The following CNTNAP2 variants were observed in gnomAD, a reference collection of about 807,000 sequenced individuals.
CNTNAP2 encodes contactin associated protein 2.
Under a neutral mutation model 155.2 loss-of-function variants are expected in CNTNAP2, and 98 were observed. That is an observed-to-expected ratio of 0.63 (90% CI 0.54 to 0.75). The LOEUF is 0.75. Ranked by LOEUF, CNTNAP2 falls within the 30% of genes least tolerant of loss-of-function variation. The pLI is 0.00. For synonymous variants in CNTNAP2, 651 were observed against 631.2 expected (o/e 1.03, Z -0.47); for missense variants, 1,727 against 1,688.1 (o/e 1.02, Z -0.40).
intron 1 of CNTNAP2, among the ~76,000 whole-genome samples, chr7:146,307,200 G>A (rs990328763): frequency 6.6e-6 from 1 of 152,060 alleles, no homozygotes; most frequent in African/African-American, 2.4e-5. Context: ...CAAACAGAGA[G>A]CCAAATCATG....
intron 1 of CNTNAP2, among the ~76,000 whole-genome samples, chr7:146,579,350 T>C (rs959149520): frequency 6.6e-6 from 1 of 152,100 alleles, no homozygotes; most frequent in Non-Finnish European, 1.5e-5. Context: ...CAAACAGCCA[T>C]TAGAAATCTT....
intron 8 of CNTNAP2, among the ~76,000 whole-genome samples, chr7:147,283,318 CT>C (rs34156255): frequency 2.0e-5 from 3 of 151,272 alleles, no homozygotes; most frequent in South Asian, 4.2e-4. Flanking sequence ...AGTTCAAAGG[CT>C]TTTTTTTAAA....
At chr7:146,169,871 G>A (rs993739648) in intron 1 of CNTNAP2, among the ~76,000 whole-genome samples, 6 of 151,458 alleles carry the variant, frequency 4.0e-5, no homozygotes, top group Non-Finnish European at 7.4e-5. Context: ...TCGTGGATAG[G>A]TACCTAGTTT....
In CNTNAP2 at chr7:146,324,568, A is replaced by C. The variant is rs1444624296; in HGVS notation, c.97+207595A>C. ...GATTTCTACTTCCTTTCAGTATTAC[A>C]TTGATTCCTGACATCTTTCAGTCAG... On this transcript the variant is annotated intron_variant, in intron 1 of 23. Transcript: ENST00000361727. 2.0e-5 allele frequency among the ~76,000 whole-genome samples: 3 copies of C among 152,292 alleles called. No individual in the cohort carries two copies. The East Asian group carries it at 5.8e-4, about 29-fold the overall frequency.
At chr7:148,079,579 G>T (rs550653479) in intron 15 of CNTNAP2, among the ~76,000 whole-genome samples, 1 of 152,258 alleles carries the variant, frequency 6.6e-6, no homozygotes, top group African/African-American at 2.4e-5. Flanking sequence ...GAAAAGACCT[G>T]GAAATGGAAA....
At chr7:147,744,804 C>T (rs1356822319) in intron 13 of CNTNAP2, among the ~76,000 whole-genome samples, 3 of 152,086 alleles carry the variant, frequency 2.0e-5, no homozygotes, top group Non-Finnish European at 4.4e-5. Flanking sequence ...CCAATACTAT[C>T]CTATCAGGGA....
intron 18 of CNTNAP2, among the ~76,000 whole-genome samples, chr7:148,194,124 C>G (rs1445234559): frequency 6.8e-6 from 1 of 146,302 alleles, no homozygotes; most frequent in East Asian, 2.1e-4. Flanking sequence ...GTGCATGCCA[C>G]CATGCCTGGC....
intron 2 of CNTNAP2, among the ~76,000 whole-genome samples, chr7:146,818,830 G>C (rs535660783): frequency 2.0e-5 from 3 of 151,848 alleles, no homozygotes; most frequent in African/African-American, 7.3e-5. Context: ...AAGCTAAAAA[G>C]AGATTATTCA....
At chr7:147,378,609 A>T (rs780553886) in intron 9 of CNTNAP2, among the ~76,000 whole-genome samples, 2 of 152,108 alleles carry the variant, frequency 1.3e-5, no homozygotes, top group Admixed American at 6.6e-5. Flanking sequence ...GCTGGGAAGG[A>T]TAGTGGGTAA....
At position 146,330,012 on chromosome 7, in the gene CNTNAP2, CTTTTTTTTTTTTTTTTT is replaced by C. The variant is rs748334732; in HGVS notation, c.97+213050_97+213066del. Among the ~76,000 whole-genome samples the C allele has an allele frequency of 1.2e-3, 93 of 74,834 alleles. 3 individuals carry two copies. The highest frequency in any genetic ancestry group is 1.5e-3 in the Non-Finnish European group (60 of 40,154). The allele number at this position is 74,834 out of a possible 152,430, so 49.1% of individuals were successfully genotyped here. On this transcript the variant is annotated intron_variant, in intron 1 of 23. Transcript: ENST00000361727. ...CATTTATTGATTCAACAAGTACTTT[CTTTTTTTTTTTTTTTTT>C]TTTTTTTTTTGAGACAGAGTTTCAC...
At chr7:147,857,957 TTCCAGTTCTAACTACA>T in intron 13 of CNTNAP2, among the ~76,000 whole-genome samples, 1 of 152,342 alleles carries the variant, frequency 6.6e-6, no homozygotes, top group Non-Finnish European at 1.5e-5. Flanking sequence ...TGTGAAGCCT[TTCCAGTTCTAACTACA>T]CAGTACGATC....
At chr7:147,437,216 T>C (rs904964226) in intron 10 of CNTNAP2, among the ~76,000 whole-genome samples, 1 of 151,976 alleles carries the variant, frequency 6.6e-6, no homozygotes, top group Non-Finnish European at 1.5e-5. Flanking sequence ...GATAATGAGG[T>C]GGAATGAAAT....
chr7:147,086,531 G>A (rs943668880), intron 4 of CNTNAP2, among the ~76,000 whole-genome samples: 6 of 151,960 alleles, frequency 3.9e-5, no homozygotes, highest in Admixed American at 6.6e-5. Context: ...CAGTTTCCTG[G>A]CTCAGTCAGT....
intron 3 of CNTNAP2, among the ~76,000 whole-genome samples, chr7:147,016,551 T>C (rs531792478): frequency 1.3e-5 from 2 of 152,076 alleles, no homozygotes; most frequent in East Asian, 3.9e-4. Context: ...ATTTGATGAG[T>C]GAGTTGCAAA....
intron 11 of CNTNAP2, among the ~76,000 whole-genome samples, chr7:147,500,675 G>C (rs879728386): frequency 6.6e-6 from 1 of 152,124 alleles, no homozygotes; most frequent in African/African-American, 2.4e-5. Context: ...TGACTGTAAA[G>C]ATAGGTTCAT....
intron 15 of CNTNAP2, among the ~76,000 whole-genome samples, chr7:148,037,517 G>A (rs1013356996): frequency 6.6e-6 from 1 of 152,168 alleles, no homozygotes; most frequent in African/African-American, 2.4e-5. Context: ...TGAACTCTAA[G>A]TCTAGCTACT....
chr7:148,204,311 A>C (rs1390085883), intron 18 of CNTNAP2, among the ~76,000 whole-genome samples: 1 of 152,250 alleles, frequency 6.6e-6, no homozygotes, highest in East Asian at 1.9e-4. Flanking sequence ...AGGCTTAATT[A>C]ATATATGAAA....
chr7:146,158,948 C>T lies in CNTNAP2; in HGVS notation c.97+41975C>T, dbSNP rs533743583. On this transcript the variant is annotated intron_variant, in intron 1 of 23. Transcript: ENST00000361727. ...CCAAGATACATAATTGTCAGATTCA[C>T]CAAAGTTGAAATGAAGGAAAAAATG... 8.9e-4 allele frequency among the ~76,000 whole-genome samples: 136 copies of T among 152,130 alleles called. 1 individual carries two copies. In the Middle Eastern group the frequency reaches 0.01, roughly 11 times the overall value.
At chr7:146,916,292 G>A (rs1267040687) in intron 3 of CNTNAP2, among the ~76,000 whole-genome samples, 1 of 152,004 alleles carries the variant, frequency 6.6e-6, no homozygotes, top group Non-Finnish European at 1.5e-5. Flanking sequence ...ATTTTGTTAT[G>A]TCCTTTCTTG....
Sources: allele counts gnomAD v4.1 joint callset (sites outside exome capture counted in the v4.1 genomes callset), GRCh38; gene constraint gnomAD v4.1.1; transcripts MANE v1.5; gene names NCBI Gene and HGNC (gene_info 2026-07-23, HGNC 2026-07-21).